Variants in EHMT1 observed in about 807,000 individuals in gnomAD.
EHMT1 encodes histone-lysine N-methyltransferase EHMT1.
Under a neutral mutation model 147.2 loss-of-function variants are expected in EHMT1, and 15 were observed. That is an observed-to-expected ratio of 0.10 (90% CI 0.07 to 0.16). The LOEUF (loss-of-function observed/expected upper bound fraction) is 0.16. Ranked by LOEUF, EHMT1 falls within the 10% of genes least tolerant of loss-of-function variation. The pLI, the probability that EHMT1 is intolerant of heterozygous loss-of-function variation, is 1.00. For missense variants in EHMT1, 1,587 were observed against 1,772.4 expected (o/e 0.90, Z 1.88); for synonymous variants, 795 against 709.6 (o/e 1.12, Z -1.91).
chr9:137,634,700 CTTCTTTCTTTT>C (rs1843859395), intron 1 of EHMT1, among the ~76,000 whole-genome samples: 1 of 132,606 alleles, frequency 7.5e-6, no homozygotes, highest in Non-Finnish European at 1.6e-5. Context: ...TTCTTTCTTT[CTTCTTTCTTTT>C]TTTTTTTTTT....
chr9:137,816,478 G>A (rs10116895), intron 23 of EHMT1: 5,573 of 320,398 alleles, frequency 0.017, 317 homozygotes, highest in African/African-American at 0.11. Context: ...ATGTCCCAAC[G>A]CTTCTCAGGC....
intron 1 of EHMT1, among the ~76,000 whole-genome samples, chr9:137,672,326 C>T (rs1326118557): frequency 1.3e-5 from 2 of 151,228 alleles, no homozygotes; most frequent in African/African-American, 2.4e-5. Context: ...TAACTTGATG[C>T]CATTTTCATA....
intron 5 of EHMT1, 23 bp from the exon 6 acceptor site, chr9:137,743,879 G>A: frequency 6.3e-7 from 1 of 1,599,920 alleles, no homozygotes; most frequent in Non-Finnish European, 8.5e-7. Flanking sequence ...CTGCCTTGGG[G>A]TATACACCTG....
chr9:137,724,999 T>G (rs1368330298), intron 3 of EHMT1, among the ~76,000 whole-genome samples: 2 of 142,012 alleles, frequency 1.4e-5, no homozygotes. Context: ...GGCATTAGTG[T>G]GGCAGGCGTG....
chr9:137,834,967 A>G lies in EHMT1; in HGVS notation c.*14A>G, dbSNP rs548680893. On this transcript the variant is annotated 3_prime_UTR_variant, in exon 27 of 27. Transcript: ENST00000460843. ...GACCCCCTATGAGACGCCGCCGGCC[A>G]GCGGGGCGCTCGGGAGCCAGGGACC... is the stretch of plus-strand genomic sequence containing the variant. 7.1e-7 allele frequency: 1 copy of G among 1,401,524 alleles called. No individual in the cohort carries two copies. Among genetic ancestry groups the G allele is most frequent in the Non-Finnish European group, 9.2e-7 (1 of 1,086,486 alleles). 86.8% of individuals were successfully genotyped at this position (1,401,524 alleles called of 1,614,324 possible).
intron 1 of EHMT1, among the ~76,000 whole-genome samples, chr9:137,635,886 T>G (rs1049628927): frequency 3.3e-5 from 5 of 152,078 alleles, no homozygotes; most frequent in Non-Finnish European, 5.9e-5. Flanking sequence ...TACAAGTATT[T>G]TATTCTTTTT....
At chr9:137,827,038 C>T (rs943012913) in intron 25 of EHMT1, among the ~76,000 whole-genome samples, 6 of 152,226 alleles carry the variant, frequency 3.9e-5, no homozygotes, top group Non-Finnish European at 7.3e-5. Flanking sequence ...CTCCCCCACA[C>T]GTCTGTGCTG....
rs1940583723 is a variant in EHMT1 at position 137,671,208 on chromosome 9, T to A, written c.22-39759T>A. 3.9e-5 allele frequency among the ~76,000 whole-genome samples: 6 copies of A among 152,364 alleles called. No homozygotes were observed. The South Asian group carries it at 1.2e-3, about 32-fold the overall frequency. Reference sequence around the variant, plus strand: ...AGTGAGCGGAAATTCTTAATTTTTTTTCATTCAGTGTAAGAAAAAAGCAGA... The same window carrying A: ...AGTGAGCGGAAATTCTTAATTTTTTATCATTCAGTGTAAGAAAAAAGCAGA... On this transcript the variant is annotated intron_variant, in intron 1 of 26. Coordinates refer to ENST00000460843, the MANE Select transcript of EHMT1 (RefSeq NM_024757.5).
intron 15 of EHMT1, 24 bp from the exon 16 acceptor site, chr9:137,790,824 A>G (rs776812496): frequency 1.9e-6 from 3 of 1,614,060 alleles, no homozygotes; most frequent in Non-Finnish European, 2.5e-6. Context: ...GCCCTCCCAT[A>G]CACCTGAACT....
chr9:137,705,024 G>A (rs1944147014), intron 1 of EHMT1, among the ~76,000 whole-genome samples: 1 of 132,176 alleles, frequency 7.6e-6, no homozygotes, highest in Non-Finnish European at 1.5e-5. Context: ...GTCTTCCTCT[G>A]TCACCCAGGC....
intron 1 of EHMT1, among the ~76,000 whole-genome samples, chr9:137,669,643 T>A (rs1042712981): frequency 1.3e-5 from 2 of 151,576 alleles, no homozygotes; most frequent in African/African-American, 4.8e-5. Flanking sequence ...CCTTCACTTT[T>A]TGCTCTCTTC....
At chr9:137,632,155 G>A (rs574083125) in intron 1 of EHMT1, among the ~76,000 whole-genome samples, 2 of 152,232 alleles carry the variant, frequency 1.3e-5, no homozygotes, top group Non-Finnish European at 2.9e-5. Context: ...ATCTCCGAAT[G>A]TATCCCCCTC....
intron 9 of EHMT1, 110 bp downstream of exon 9, chr9:137,758,121 G>C: frequency 2.8e-6 from 4 of 1,440,856 alleles, no homozygotes; most frequent in Non-Finnish European, 3.9e-6. Context: ...TAGAAGATCG[G>C]GTTAACTGCA....
At chr9:137,825,135 G>C (rs557954020) in intron 25 of EHMT1, among the ~76,000 whole-genome samples, 52 of 152,334 alleles carry the variant, frequency 3.4e-4, no homozygotes, top group Non-Finnish European at 1.5e-5. Context: ...GGTGCTCTGA[G>C]CTCCTAGAGG....
chr9:137,814,157 CCTTCACCCACCCCA>C (rs1367885450), intron 21 of EHMT1: 11 of 540,418 alleles, frequency 2.0e-5, no homozygotes, highest in African/African-American at 1.9e-4. Flanking sequence ...GCCGCCCAGC[CCTTCACCCACCCCA>C]CGTCACCCAC....
At position 137,777,000 on chromosome 9, in the gene EHMT1, C is replaced by T; in HGVS notation, c.2018+156C>T. 1.4e-6 allele frequency: 1 copy of T among 721,348 alleles called. No homozygotes were observed. Among genetic ancestry groups the T allele is most frequent in the East Asian group, 2.7e-5 (1 of 36,790 alleles). The allele number at this position is 721,348 out of a possible 1,614,324, so 44.7% of individuals were successfully genotyped here. On this transcript the variant is annotated intron_variant, in intron 12 of 26. Coordinates refer to ENST00000460843, the MANE Select transcript of EHMT1 (RefSeq NM_024757.5). The surrounding 1 kb of genome is among the most constrained non-coding windows in gnomAD (Gnocchi z 4.4). ...TTCTGACATTTAAGACTCTGAAATT[C>T]ATTTATTGCCATTTGTGCATACGTT...
chr9:137,661,305 A>G (rs1476023557), intron 1 of EHMT1, among the ~76,000 whole-genome samples: 3 of 152,182 alleles, frequency 2.0e-5, no homozygotes, highest in African/African-American at 7.2e-5. Flanking sequence ...AATGTTTCCA[A>G]TATTTTCCTA....
intron 16 of EHMT1, among the ~76,000 whole-genome samples, chr9:137,796,687 G>A (rs1952972625): frequency 8.6e-6 from 1 of 116,250 alleles, no homozygotes; most frequent in Non-Finnish European, 1.7e-5. Flanking sequence ...CTGGGCGACA[G>A]AGCCAGACTC....
At chr9:137,699,825 G>T (rs1379800786) in intron 1 of EHMT1, among the ~76,000 whole-genome samples, 1 of 152,202 alleles carries the variant, frequency 6.6e-6, no homozygotes, top group Admixed American at 6.5e-5. Context: ...CTCCAGCCTG[G>T]GTGACAGAAC....
Sources: gnomAD v4.1 joint callset for allele counts (sites outside exome capture counted in the v4.1 genomes callset) on GRCh38, gnomAD v4.1.1 for gene constraint, Gnocchi (gnomAD v3.1) non-coding constraint, MANE v1.5 for transcripts, NCBI Gene and HGNC (gene_info 2026-07-23, HGNC 2026-07-21) for gene names.